ITGA10: variants seen among roughly 807,000 people sequenced by gnomAD.
ITGA10 encodes integrin alpha-10.
In ITGA10, 105 loss-of-function variants were observed where a neutral mutation model predicts 145.2. The ratio of observed to expected loss-of-function variants is 0.72; its 90% confidence interval spans 0.62 to 0.85. ITGA10 has a LOEUF of 0.85. ITGA10 is among the 40% of genes least tolerant of loss of function. The pLI is 0.00. For synonymous variants in ITGA10, 506 were observed against 557.8 expected (o/e 0.91, Z 1.31); for missense variants, 1,317 against 1,444.5 (o/e 0.91, Z 1.43).
Position 145,898,233 on chromosome 1 carries a change from A to AACAGAGTC in ITGA10, c.2233-18_2233-11dup. Reference sequence around the variant, plus strand: ...GGTAATCTGATGTATCCTGAAGGAAAACAGAGTCACAGAGTCACAGAGTCA... The same window carrying AACAGAGTC: ...GGTAATCTGATGTATCCTGAAGGAAAACAGAGTCACAGAGTCACAGAGTCACAGAGTCA... On this transcript the variant is annotated splice_polypyrimidine_tract_variant and intron_variant, in intron 17 of 29. Coordinates refer to ENST00000369304, the MANE Select transcript of ITGA10 (RefSeq NM_003637.5). The AACAGAGTC allele has an allele frequency of 1.3e-6, 2 of 1,559,448 alleles. No individual in the cohort carries two copies. The highest frequency in any genetic ancestry group is 2.2e-5 in the East Asian group (1 of 44,598).
intron 7 of ITGA10, 63 bp from the exon 8 acceptor site, chr1:145,903,024 TACACACACACACACACAC>T (rs55794832): frequency 1.6e-5 from 6 of 379,288 alleles, no homozygotes; most frequent in African/African-American, 2.3e-5. Context: ...CACACACACA[TACACACACACACACACAC>T]ACACACACAC....
At chr1:145,907,179 C>G in intron 2 of ITGA10, 29 bp from the exon 3 acceptor site, 1 of 1,559,198 alleles carries the variant, frequency 6.4e-7, no homozygotes. Flanking sequence ...TGTAAGTAAG[C>G]ACAGGGCAAA....
rs1300691344 is a variant in ITGA10 at position 145,906,202 on chromosome 1, T to C, written c.481+192A>G. ...CCTTGGCCTCCCAAAGTGCTAGAAT[T>C]ACAGGTGTGGGCCACCACACCTGGC... On this transcript the variant is annotated intron_variant, in intron 5 of 29. Coordinates refer to ENST00000369304, the MANE Select transcript of ITGA10 (RefSeq NM_003637.5). 3 of 525,824 alleles carry C rather than the reference T, an allele frequency of 5.7e-6. No homozygotes were observed. The East Asian group carries it at 1.0e-4, about 18-fold the overall frequency. 32.6% of individuals were successfully genotyped at this position (525,824 alleles called of 1,614,324 possible).
At chr1:145,895,476 G>T (rs991968740) in intron 26 of ITGA10, 83 bp from the exon 27 acceptor site, 1 of 1,380,422 alleles carries the variant, frequency 7.2e-7, no homozygotes, top group Non-Finnish European at 1.0e-6. Context: ...ACACAGTCTT[G>T]TCCCAAGGCA....
rs782581133 is a variant in ITGA10, at chr1:145,901,874, C to A, written c.1294+3G>T. 2.5e-6 allele frequency: 4 copies of A among 1,613,954 alleles called. No individual in the cohort carries two copies. The African/African-American group carries it at 5.3e-5, about 22-fold the overall frequency. On this transcript the variant is annotated splice_donor_region_variant and intron_variant, in intron 11 of 29. Coordinates refer to ENST00000369304, the MANE Select transcript of ITGA10 (RefSeq NM_003637.5). This position sits in a 1 kb window ranked among gnomAD's most constrained non-coding sequence, Gnocchi z 4.3. ...AAGTCCTCTGCAACTCTCTGCTGCT[C>A]ACCCAGGTAGGCTGCATGGTTCTGC...
chr1:145,893,348 C>T, intron 28 of ITGA10, 74 bp from the exon 29 acceptor site: 1 of 1,139,986 alleles, frequency 8.8e-7, no homozygotes, highest in Non-Finnish European at 1.3e-6. Flanking sequence ...TATATCAAAG[C>T]CAGCCCCCAA....
In ITGA10 at chr1:145,904,068, C is replaced by T. The variant is rs1553750202; in HGVS notation, c.742G>A (p.Ala248Thr). 2.5e-6 allele frequency: 4 copies of T among 1,614,046 alleles called. No individual in the cohort carries two copies. Among genetic ancestry groups the T allele is most frequent in the Admixed American group, 1.7e-5 (1 of 60,012 alleles). Residue 248 changes from alanine to threonine, a missense_variant, in exon 7 of 30, where the codon GCA becomes ACA. Ala to Thr is a moderately conservative substitution (Grantham distance 58). Coordinates refer to ENST00000369304, the MANE Select transcript of ITGA10 (RefSeq NM_003637.5). Reference protein sequence around the residue: ...REGRETKTAQAIMVACTEGFS... With the variant: ...REGRETKTAQTIMVACTEGFS... ...ATGCCTCACCAGGCCACCATTATTGCTTGGGCAGTCTTTGTTTCTCGTCCC... is the reference window on the plus strand; with the variant it reads ...ATGCCTCACCAGGCCACCATTATTGTTTGGGCAGTCTTTGTTTCTCGTCCC...
chr1:145,901,835 C>T lies in ITGA10; in HGVS notation c.1294+42G>A, dbSNP rs782072089. The T allele has an allele frequency of 7.4e-6, 12 of 1,611,934 alleles. 1 individual carries two copies. The highest frequency in any genetic ancestry group is 1.6e-4 in the Middle Eastern group (1 of 6,068). On this transcript the variant is annotated intron_variant, in intron 11 of 29. Transcript: ENST00000369304. The surrounding 1 kb of genome is among the most constrained non-coding windows in gnomAD (Gnocchi z 4.3). ...CCCGCCCCCACTAGGGATGTATTTC[C>T]TCCCCTACCCTGTAAGTCCTCTGCA...
chr1:145,909,362 T>C lies in ITGA10; in HGVS notation c.52+601A>G, dbSNP rs140223571. On this transcript the variant is annotated intron_variant, in intron 1 of 29. Transcript: ENST00000369304. Reference sequence around the variant, plus strand: ...AGTAGTCCCAACTACTGAGCTGTGGTTGCACCACTGCACTCCAGCCTAGAC... The same window carrying C: ...AGTAGTCCCAACTACTGAGCTGTGGCTGCACCACTGCACTCCAGCCTAGAC... Among the ~76,000 whole-genome samples, 710 of 150,022 alleles carry C rather than the reference T, an allele frequency of 4.7e-3. 7 individuals carry two copies. The highest frequency in any genetic ancestry group is 0.017 in the African/African-American group (674 of 40,700).
rs1656875326 is a variant in ITGA10 at position 145,904,681 on chromosome 1, T to C, written c.609+3A>G. 6.2e-7 allele frequency: 1 copy of C among 1,613,848 alleles called. No homozygotes were observed. Among genetic ancestry groups the C allele is most frequent in the Admixed American group, 1.7e-5 (1 of 59,992 alleles). On this transcript the variant is annotated splice_donor_region_variant and intron_variant, in intron 6 of 29. Transcript: ENST00000369304. ...GTGCCCAGCTCATATTGCCTTCTCTTACCTGTATCTGTTCTGGGTCAATAA... is the reference window on the plus strand; with the variant it reads ...GTGCCCAGCTCATATTGCCTTCTCTCACCTGTATCTGTTCTGGGTCAATAA...
chr1:145,892,820 C>CT lies in ITGA10; in HGVS notation c.3481dup (p.Arg1161LysfsTer12), dbSNP rs1559185784. On this transcript the variant is annotated frameshift_variant, in exon 30 of 30. Coordinates refer to ENST00000369304, the MANE Select transcript of ITGA10 (RefSeq NM_003637.5). LOFTEE classifies it high-confidence loss of function. ...CATTCATTGCTCCAACTTCTCTTCT[C>CT]TTTTTTCTTCCTCAGGGATTTTCTT... The CT allele has an allele frequency of 6.2e-7, 1 of 1,613,766 alleles. No homozygotes were observed. The highest frequency in any genetic ancestry group is 1.3e-5 in the African/African-American group (1 of 75,032).
intron 7 of ITGA10, 61 bp from the exon 8 acceptor site, chr1:145,903,022 C>CAG: frequency 5.5e-5 from 32 of 584,954 alleles, no homozygotes; most frequent in East Asian, 1.1e-4. Context: ...CACACACACA[C>CAG]ATACACACAC....
At chr1:145,904,580 G>T in intron 6 of ITGA10, 104 bp downstream of exon 6, 2 of 1,220,670 alleles carry the variant, frequency 1.6e-6, no homozygotes, top group African/African-American at 1.5e-5. Flanking sequence ...TCACTGTATT[G>T]CCCAGGCTAG....
Position 145,893,538 on chromosome 1 carries a change from A to T in ITGA10, c.3324+2T>A. On this transcript the variant is annotated splice_donor_variant, in intron 28 of 29. Transcript: ENST00000369304. LOFTEE classifies it high-confidence loss of function. ...GCTCTCAGACTCGGTCTCCAGCCCT[A>T]CCTCACTCCAACGGGAGGCTTCAGT... 1.9e-6 allele frequency: 3 copies of T among 1,607,388 alleles called. No homozygotes were observed. Among genetic ancestry groups the T allele is most frequent in the Non-Finnish European group, 2.6e-6 (3 of 1,176,222 alleles).
At chr1:145,893,720 G>T in intron 27 of ITGA10, 85 bp from the exon 28 acceptor site, 2 of 1,004,534 alleles carry the variant, frequency 2.0e-6, no homozygotes, top group Non-Finnish European at 3.0e-6. Context: ...GCAAAGTTGA[G>T]GCTGAGAGGC....
In ITGA10 at chr1:145,900,181, C is replaced by G; in HGVS notation, c.1798G>C (p.Ala600Pro). 1 of 1,612,636 alleles carries G rather than the reference C, an allele frequency of 6.2e-7. No individual in the cohort carries two copies. Among genetic ancestry groups the G allele is most frequent in the Admixed American group, 1.7e-5 (1 of 59,768 alleles). Residue 600 changes from alanine to proline, a missense_variant, in exon 15 of 30, where the codon GCT (alanine) becomes CCT (proline). By Grantham distance (27) the Ala-to-Pro change is conservative (BLOSUM62 -1). Coordinates refer to ENST00000369304, the MANE Select transcript of ITGA10 (RefSeq NM_003637.5). ...AGGGCATGTGGCATGGAGGCAGCAGCAATCCTCTGAGAGGAAGAGAGAGAA... is the reference window on the plus strand; with the variant it reads ...AGGGCATGTGGCATGGAGGCAGCAGGAATCCTCTGAGAGGAAGAGAGAGAA... Reference protein sequence around the residue: ...GVRPHPAQRIAAASMPHALSY... With the variant: ...GVRPHPAQRIPAASMPHALSY...
rs781899878 is a variant in ITGA10 at position 145,897,566 on chromosome 1, C to T, written c.2520G>A (p.Thr840=). ...LENRKENAYN[T]SLSLIFSRNL... ...TTCTAGAGAAGATGAGACTCAGGCT[C>T]GTATTGTAAGCATTTTCCTTTCTGT... The change falls in exon 20 of 30, where the codon ACG becomes ACA. Residue 840 remains threonine, a synonymous_variant. Transcript: ENST00000369304. 13 of 1,614,000 alleles carry T rather than the reference C, an allele frequency of 8.1e-6. No homozygotes were observed. Among genetic ancestry groups the T allele is most frequent in the South Asian group, 3.3e-5 (3 of 91,088 alleles).
chr1:145,901,846 T>C lies in ITGA10; in HGVS notation c.1294+31A>G. 1 of 1,613,618 alleles carries C rather than the reference T, an allele frequency of 6.2e-7. No individual in the cohort carries two copies. On this transcript the variant is annotated intron_variant, in intron 11 of 29. Transcript: ENST00000369304. This position sits in a 1 kb window ranked among gnomAD's most constrained non-coding sequence, Gnocchi z 4.3. ...TAGGGATGTATTTCCTCCCCTACCC[T>C]GTAAGTCCTCTGCAACTCTCTGCTG...
In ITGA10 at chr1:145,907,340, G is replaced by A. The variant is rs782426959; in HGVS notation, c.164+14C>T. 153 of 1,613,978 alleles carry A rather than the reference G, an allele frequency of 9.5e-5. No individual in the cohort carries two copies. The highest frequency in any genetic ancestry group is 3.3e-4 in the Middle Eastern group (2 of 6,082). On this transcript the variant is annotated intron_variant, in intron 2 of 29. Coordinates refer to ENST00000369304, the MANE Select transcript of ITGA10 (RefSeq NM_003637.5). ...TGCAGTCCCAATCCCCTGGCACTCC[G>A]GTTTCTTCCTCACCATCGCTGTCCA... is the stretch of plus-strand genomic sequence containing the variant.
Sources: allele counts gnomAD v4.1 joint callset (sites outside exome capture counted in the v4.1 genomes callset), GRCh38; gene constraint gnomAD v4.1.1; non-coding constraint Gnocchi (gnomAD v3.1); transcripts MANE v1.5; gene names NCBI Gene and HGNC (gene_info 2026-07-23, HGNC 2026-07-21).